The following PKHD1 variants were observed in gnomAD, a reference collection of about 807,000 sequenced individuals.
PKHD1 encodes the protein fibrocystin.
PKHD1 carries 291 observed loss-of-function variants against 412.0 expected under a neutral mutation model. That is an observed-to-expected ratio of 0.71 (90% confidence interval 0.64 to 0.78). The LOEUF (loss-of-function observed/expected upper bound fraction) is 0.78. PKHD1 is among the 30% of genes least tolerant of loss of function. The pLI is 0.00. For missense variants in PKHD1, 4,825 were observed against 4,950.7 expected (o/e 0.97, Z 0.76); for synonymous variants, 1,777 against 1,821.5 (o/e 0.98, Z 0.62).
At chr6:51,730,528 G>A (rs543161543) in intron 60 of PKHD1, among the ~76,000 whole-genome samples, 11 of 152,062 alleles carry the variant, frequency 7.2e-5, no homozygotes, top group Middle Eastern at 6.8e-3. Context: ...ATCTATTTCC[G>A]ACTTTTAGAA....
intron 36 of PKHD1, among the ~76,000 whole-genome samples, chr6:51,945,712 A>T (rs1789360889): frequency 1.3e-5 from 2 of 152,236 alleles, no homozygotes; most frequent in African/African-American, 4.8e-5. Context: ...ATTGTCTAAA[A>T]TGACCTTCAA....
chr6:51,708,934 G>A (rs1209048311), intron 60 of PKHD1, among the ~76,000 whole-genome samples: 2 of 152,192 alleles, frequency 1.3e-5, no homozygotes, highest in East Asian at 3.9e-4. Context: ...GGAAGAAAGA[G>A]CAGGAGAAGG....
At chr6:51,853,572 G>T (rs894487835) in intron 49 of PKHD1, among the ~76,000 whole-genome samples, 1 of 152,074 alleles carries the variant, frequency 6.6e-6, no homozygotes, top group Non-Finnish European at 1.5e-5. Flanking sequence ...TCAATCATAG[G>T]TTCAGTCTTT....
intron 22 of PKHD1, among the ~76,000 whole-genome samples, chr6:52,049,701 T>C (rs567606924): frequency 6.6e-6 from 1 of 152,328 alleles, no homozygotes; most frequent in South Asian, 2.1e-4. Context: ...GGTGAGTTCT[T>C]AGAAATAGCT....
intron 65 of PKHD1, 61 bp from the exon 66 acceptor site, chr6:51,627,177 T>G (rs1767359919): frequency 1.3e-6 from 2 of 1,525,634 alleles, no homozygotes; most frequent in African/African-American, 2.8e-5. Flanking sequence ...CCATCAGCAT[T>G]TAGGTGTTTC....
chr6:51,925,457 G>GTGTGTA (rs1554140252), intron 37 of PKHD1, among the ~76,000 whole-genome samples: 5,126 of 128,916 alleles, frequency 0.04, 83 homozygotes, highest in South Asian at 0.061. Flanking sequence ...GTGTGTGTAT[G>GTGTGTA]TGTGTGTGTG....
intron 43 of PKHD1, among the ~76,000 whole-genome samples, chr6:51,900,593 T>G (rs1335571790): frequency 6.6e-6 from 1 of 152,166 alleles, no homozygotes; most frequent in Non-Finnish European, 1.5e-5. Flanking sequence ...GGCATTACCA[T>G]TCAGGACATA....
At chr6:51,887,362 T>A (rs1778379291) in intron 43 of PKHD1, 117 bp from the exon 44 acceptor site, 1 of 736,354 alleles carries the variant, frequency 1.4e-6, no homozygotes, top group Non-Finnish European at 2.5e-6. Flanking sequence ...CCAAAGTACA[T>A]TAAAACTCTA....
At chr6:51,703,888 T>C (rs1162491528) in intron 60 of PKHD1, among the ~76,000 whole-genome samples, 1 of 152,060 alleles carries the variant, frequency 6.6e-6, no homozygotes, top group East Asian at 1.9e-4. Context: ...GAAATAAACA[T>C]AAATATAAGT....
intron 54 of PKHD1, among the ~76,000 whole-genome samples, chr6:51,774,835 C>G (rs1382553060): frequency 1.3e-5 from 2 of 151,758 alleles, no homozygotes; most frequent in Non-Finnish European, 2.9e-5. Context: ...ACCTCCAACA[C>G]AGCAATGCAT....
chr6:51,908,238 C>T (rs1782422609), intron 40 of PKHD1, among the ~76,000 whole-genome samples: 1 of 152,094 alleles, frequency 6.6e-6, no homozygotes, highest in South Asian at 2.1e-4. Context: ...CCTTAGCATG[C>T]AGATAATTTG....
At chr6:51,819,860 A>T (rs533029462) in intron 52 of PKHD1, among the ~76,000 whole-genome samples, 1 of 152,288 alleles carries the variant, frequency 6.6e-6, no homozygotes, top group Admixed American at 6.5e-5. Context: ...CATTAGCTCC[A>T]CCAGTGCCTA....
intron 60 of PKHD1, among the ~76,000 whole-genome samples, chr6:51,709,901 T>C (rs958660901): frequency 2.7e-5 from 4 of 150,422 alleles, no homozygotes; most frequent in Admixed American, 1.3e-4. Context: ...AGCTAGTCAA[T>C]GTGCAGGACT....
chr6:51,739,995 A>G, intron 60 of PKHD1: 1 of 519,006 alleles, frequency 1.9e-6, no homozygotes, highest in Non-Finnish European at 3.8e-6. Context: ...CCTGAATGGG[A>G]CATTAATTTC....
intron 53 of PKHD1, among the ~76,000 whole-genome samples, chr6:51,784,281 A>G (rs4715232): frequency 0.59 from 89,082 of 151,942 alleles, 26,874 homozygotes; most frequent in East Asian, 0.83. Flanking sequence ...CCATTAAATA[A>G]TAAAGGTAGT....
Position 51,748,251 on chromosome 6 carries a change from A to G in PKHD1, c.9365T>C (p.Val3122Ala), listed in dbSNP as rs376515569. Residue 3122 changes from valine to alanine, a missense_variant, in exon 58 of 67, where the codon GTG (valine) becomes GCG (alanine). Transcript: ENST00000371117. ...SSCELLWSDN[V>A]AHSSLHGLHL... ...AAGGCCATGAAGACTTGAATGCGCC[A>G]CATTGTCAGACCAAAGCAGTTCACA... The G allele has an allele frequency of 2.8e-5, 46 of 1,614,096 alleles. No homozygotes were observed. The highest frequency in any genetic ancestry group is 3.8e-5 in the Non-Finnish European group (45 of 1,179,962).
intron 60 of PKHD1, among the ~76,000 whole-genome samples, chr6:51,713,041 C>G (rs566974270): frequency 6.6e-6 from 1 of 152,230 alleles, no homozygotes; most frequent in African/African-American, 2.4e-5. Context: ...GAGTATCTAG[C>G]AGGTTGTAAA....
chr6:51,768,468 T>A (rs968849142), intron 55 of PKHD1, among the ~76,000 whole-genome samples: 5 of 152,014 alleles, frequency 3.3e-5, no homozygotes, highest in Non-Finnish European at 5.9e-5. Context: ...TACTTCTAGA[T>A]ATTTGCAGTT....
rs1266663164 is a variant in PKHD1, at chr6:52,025,266, T to C, written c.4544A>G (p.Glu1515Gly). The change falls in exon 32 of 67, where the codon GAG becomes GGG. Residue 1515 changes from glutamate (E) to glycine (G), a missense_variant. Transcript: ENST00000371117. Reference sequence around the variant, plus strand: ...TTGATCATCCACAAATACCATCGGCTCATCAGCTGTGGTGGCTAACCTCTG... The same window carrying C: ...TTGATCATCCACAAATACCATCGGCCCATCAGCTGTGGTGGCTAACCTCTG... ...RGQRLATTAD[E>G]PMVFVDDQLP... 4 of 1,613,994 alleles carry C rather than the reference T, an allele frequency of 2.5e-6. No homozygotes were observed. Among genetic ancestry groups the C allele is most frequent in the Non-Finnish European group, 3.4e-6 (4 of 1,180,016 alleles).
Sources: allele counts gnomAD v4.1 joint callset (sites outside exome capture counted in the v4.1 genomes callset), GRCh38; gene constraint gnomAD v4.1.1; transcripts MANE v1.5; gene names NCBI Gene and HGNC (gene_info 2026-07-23, HGNC 2026-07-21).